MAP3K19: variants seen among roughly 807,000 people sequenced by gnomAD.
The protein encoded by MAP3K19 is SPS1/STE20-related protein kinase YSK4.
A neutral mutation model predicts 114.4 loss-of-function variants in MAP3K19; 91 were observed. The observed-to-expected ratio is 0.80, with a 90% CI of 0.67 to 0.95. The LOEUF (loss-of-function observed/expected upper bound fraction) is 0.95. Ranked by LOEUF, MAP3K19 falls within the 40% of genes least tolerant of loss-of-function variation. The pLI, the probability that MAP3K19 is intolerant of heterozygous loss-of-function variation, is 0.00. For missense variants in MAP3K19, 1,471 were observed against 1,573.2 expected (o/e 0.94, Z 1.10); for synonymous variants, 518 against 530.5 (o/e 0.98, Z 0.32).
chr2:135,025,377 C>CTTTT (rs754598942), intron 3 of MAP3K19, among the ~76,000 whole-genome samples: 13 of 69,556 alleles, frequency 1.9e-4, no homozygotes, highest in Non-Finnish European at 2.8e-4. Context: ...CTTTTCTTTT[C>CTTTT]TTTTTTTTTT....
At chr2:134,988,910 T>C (rs1293733378) in intron 9 of MAP3K19, among the ~76,000 whole-genome samples, 1 of 152,244 alleles carries the variant, frequency 6.6e-6, no homozygotes, top group Non-Finnish European at 1.5e-5. Context: ...TTTAAGATTT[T>C]TGAAATCCCA....
chr2:134,989,645 AAAG>A (rs1432544819), intron 9 of MAP3K19, among the ~76,000 whole-genome samples: 1 of 152,236 alleles, frequency 6.6e-6, no homozygotes, highest in Non-Finnish European at 1.5e-5. Flanking sequence ...GCTCATAGGA[AAAG>A]AAGGGTCAGG....
At chr2:135,037,983 T>C (rs1198147041) in intron 2 of MAP3K19, among the ~76,000 whole-genome samples, 13 of 152,168 alleles carry the variant, frequency 8.5e-5, no homozygotes, top group Non-Finnish European at 1.5e-5. Context: ...CGCTAACTCA[T>C]TAGCTGCGAG....
chr2:134,984,854 A>C, intron 10 of MAP3K19, among the ~76,000 whole-genome samples: 1 of 152,182 alleles, frequency 6.6e-6, no homozygotes, highest in Middle Eastern at 3.2e-3. Context: ...TGGGAGGCTG[A>C]GGCAGGAGAA....
At chr2:134,983,930 C>T in intron 10 of MAP3K19, 105 bp from the exon 11 acceptor site, 1 of 748,702 alleles carries the variant, frequency 1.3e-6, no homozygotes, top group East Asian at 2.8e-5. Flanking sequence ...CTGTCTGTGG[C>T]CACTCTTACA....
At chr2:135,021,461 GACACACACACAT>G (rs1687967342) in intron 5 of MAP3K19, among the ~76,000 whole-genome samples, 1 of 143,226 alleles carries the variant, frequency 7.0e-6, no homozygotes, top group South Asian at 2.4e-4. Flanking sequence ...AACTGACTAA[GACACACACACAT>G]ACACACACAC....
At chr2:134,988,348 T>C in intron 9 of MAP3K19, 95 bp from the exon 10 acceptor site, 3 of 1,059,548 alleles carry the variant, frequency 2.8e-6, no homozygotes, top group Non-Finnish European at 3.9e-6. Context: ...TAATATCCTC[T>C]TAAGGAAGGC....
At position 135,043,495 on chromosome 2, in the gene MAP3K19, A is replaced by G. The variant is rs371977041; in HGVS notation, c.-423-2993T>C. Among the ~76,000 whole-genome samples, 8 of 152,312 alleles carry G rather than the reference A, an allele frequency of 5.3e-5. No individual in the cohort carries two copies. In the East Asian group the frequency reaches 1.3e-3, roughly 26 times the overall value. On this transcript the variant is annotated intron_variant, in intron 1 of 12. Coordinates refer to ENST00000392915, the MANE Select transcript of MAP3K19 (RefSeq NM_025052.5). ...AGCAGTTTTAAGTTTTTTATGCAAA[A>G]TTGGGCAGAAAGTACAGAATATTCC...
chr2:134,983,222 C>A (rs1280274609), intron 11 of MAP3K19: 1 of 533,822 alleles, frequency 1.9e-6, no homozygotes, highest in Non-Finnish European at 3.8e-6. Flanking sequence ...ATGCAGTTCA[C>A]AAAATGGAAG....
chr2:134,977,789 G>T (rs1052902335), intron 12 of MAP3K19, among the ~76,000 whole-genome samples: 3 of 152,052 alleles, frequency 2.0e-5, no homozygotes, highest in African/African-American at 7.3e-5. Flanking sequence ...GGACCACTGC[G>T]CCTGGCCCAT....
intron 2 of MAP3K19, among the ~76,000 whole-genome samples, chr2:135,031,373 G>A (rs1246490234): frequency 6.6e-6 from 1 of 152,140 alleles, no homozygotes; most frequent in Non-Finnish European, 1.5e-5. Context: ...AGAGGATACA[G>A]TGTGAATAAA....
chr2:135,019,711 G>A (rs1029139759), intron 5 of MAP3K19, among the ~76,000 whole-genome samples: 1 of 152,088 alleles, frequency 6.6e-6, no homozygotes, highest in East Asian at 1.9e-4. Flanking sequence ...AGAGTAGTAG[G>A]ATCTTTATTT....
chr2:135,019,029 A>T (rs1267207955), intron 5 of MAP3K19, among the ~76,000 whole-genome samples: 1 of 152,060 alleles, frequency 6.6e-6, no homozygotes, highest in African/African-American at 2.4e-5. Flanking sequence ...CAGTGAGCAG[A>T]GATCGTGCCA....
chr2:135,023,033 C>A (rs1452844388), intron 4 of MAP3K19, among the ~76,000 whole-genome samples: 1 of 152,140 alleles, frequency 6.6e-6, no homozygotes, highest in Non-Finnish European at 1.5e-5. Context: ...GCATTGGCTT[C>A]TTTCAACAAA....
intron 11 of MAP3K19, chr2:134,983,067 A>G (rs1170119310): frequency 1.5e-5 from 6 of 388,136 alleles, no homozygotes; most frequent in South Asian, 4.0e-5. Flanking sequence ...GGGGCATTTC[A>G]ATCTTCTAGC....
intron 1 of MAP3K19, among the ~76,000 whole-genome samples, chr2:135,043,040 AC>A (rs1688676524): frequency 6.6e-6 from 1 of 151,870 alleles, no homozygotes; most frequent in Admixed American, 6.6e-5. Flanking sequence ...CCGAGATCAA[AC>A]CACTGCGCTC....
chr2:135,033,759 C>G (rs1160087970), intron 2 of MAP3K19, among the ~76,000 whole-genome samples: 1 of 98,802 alleles, frequency 1.0e-5, no homozygotes, highest in Non-Finnish European at 1.9e-5. Flanking sequence ...CTCCTCACTT[C>G]CCAGTAGGGG....
chr2:134,970,925 A>T (rs1683830843), intron 12 of MAP3K19, among the ~76,000 whole-genome samples: 1 of 152,078 alleles, frequency 6.6e-6, no homozygotes, highest in African/African-American at 2.4e-5. Flanking sequence ...TCTCTTGCCT[A>T]ATCACTCTGG....
intron 8 of MAP3K19, 142 bp downstream of exon 8, chr2:134,998,596 A>G: frequency 2.5e-6 from 2 of 811,150 alleles, no homozygotes; most frequent in Non-Finnish European, 3.7e-6. Context: ...CATGACCCCC[A>G]GGAATGTAAA....
Sources: gnomAD v4.1 joint callset for allele counts (sites outside exome capture counted in the v4.1 genomes callset) on GRCh38, gnomAD v4.1.1 for gene constraint, MANE v1.5 for transcripts, NCBI Gene and HGNC (gene_info 2026-07-23, HGNC 2026-07-21) for gene names.